The following ST6GALNAC3 variants were observed in gnomAD, a reference collection of about 807,000 sequenced individuals.
ST6GALNAC3 encodes the protein ST6 N-acetylgalactosaminide alpha-2,6-sialyltransferase 3.
ST6GALNAC3 carries 25 observed loss-of-function variants against 32.7 expected under a neutral mutation model. The observed-to-expected ratio is 0.76, with a 90% CI of 0.56 to 1.07. The LOEUF (loss-of-function observed/expected upper bound fraction) is 1.07, where lower values mean the gene tolerates loss of function less well. Among genes scored for constraint, ST6GALNAC3 ranks in the 50% least tolerant of loss-of-function variants. The pLI, the probability that ST6GALNAC3 is intolerant of heterozygous loss-of-function variation, is 0.00. For missense variants in ST6GALNAC3, 355 were observed against 382.4 expected, an observed-to-expected ratio of 0.93 and a Z score of 0.60; for synonymous variants, 129 against 133.1, an observed-to-expected ratio of 0.97 and a Z score of 0.21.
At position 76,305,734 on chromosome 1, in the gene ST6GALNAC3, G is replaced by A. The variant is rs533023737; in HGVS notation, c.19-8071G>A. On this transcript the variant is annotated intron_variant, in intron 1 of 4. Transcript: ENST00000328299. The stretch of plus-strand genomic sequence containing the variant: ...TAGTCCAGATAGAGTGTACGTGCAT[G>A]AATAATCATCATAGTCTTAACAGAG... 2.6e-5 allele frequency among the ~76,000 whole-genome samples: 4 copies of A among 152,042 alleles called. No homozygotes were observed. The South Asian group carries it at 8.3e-4, about 32-fold the overall frequency.
chr1:76,477,586 A>G (rs1293592078), intron 3 of ST6GALNAC3, among the ~76,000 whole-genome samples: 1 of 152,142 alleles, frequency 6.6e-6, no homozygotes, highest in Non-Finnish European at 1.5e-5. Context: ...GCACCTTGTC[A>G]AGGAAGAAGC....
intron 1 of ST6GALNAC3, among the ~76,000 whole-genome samples, chr1:76,205,281 G>T (rs989145559): frequency 2.0e-5 from 3 of 152,132 alleles, no homozygotes; most frequent in African/African-American, 7.2e-5. Context: ...TGTTAACAGT[G>T]CAGAGAATGG....
chr1:76,425,415 T>A (rs747277297), intron 3 of ST6GALNAC3, among the ~76,000 whole-genome samples: 2 of 152,058 alleles, frequency 1.3e-5, no homozygotes, highest in Non-Finnish European at 1.5e-5. Context: ...AAGCTCTTTT[T>A]TTAAGGCAGA....
chr1:76,156,533 A>G (rs1015415780), intron 1 of ST6GALNAC3, among the ~76,000 whole-genome samples: 3 of 149,822 alleles, frequency 2.0e-5, no homozygotes, highest in African/African-American at 7.3e-5. Context: ...GTATACTACT[A>G]GATTTTGTTT....
chr1:76,624,642 AT>A (rs968654225), intron 3 of ST6GALNAC3, among the ~76,000 whole-genome samples: 14 of 151,082 alleles, frequency 9.3e-5, no homozygotes, highest in East Asian at 3.9e-4. Flanking sequence ...CCTAATTATG[AT>A]TTTTTTTTCT....
intron 1 of ST6GALNAC3, among the ~76,000 whole-genome samples, chr1:76,075,980 CAAT>C (rs1415550241): frequency 1.3e-5 from 2 of 152,160 alleles, no homozygotes; most frequent in Non-Finnish European, 2.9e-5. Context: ...TGCCTGGTGT[CAAT>C]GATGAAAATA....
chr1:76,602,731 T>C (rs1436605959), intron 3 of ST6GALNAC3, among the ~76,000 whole-genome samples: 5 of 151,948 alleles, frequency 3.3e-5, no homozygotes, highest in African/African-American at 1.2e-4. Flanking sequence ...AATGTATTGG[T>C]TTTTTAATTT....
chr1:76,251,219 G>A lies in ST6GALNAC3; in HGVS notation c.19-62586G>A, dbSNP rs138143256. On this transcript the variant is annotated intron_variant, in intron 1 of 4. Transcript: ENST00000328299. ...ATGTCACTAGTTTTAGTCCATTTAC[G>A]TGACTTCCTTTCTATTCCCACTCCT... is the stretch of plus-strand genomic sequence containing the variant. 6.0e-3 allele frequency among the ~76,000 whole-genome samples: 910 copies of A among 151,916 alleles called. 4 individuals are homozygous for A. Among genetic ancestry groups the A allele is most frequent in the African/African-American group, 0.021 (883 of 41,460 alleles).
chr1:76,230,933 A>T (rs1281017428), intron 1 of ST6GALNAC3, among the ~76,000 whole-genome samples: 1 of 152,238 alleles, frequency 6.6e-6, no homozygotes, highest in African/African-American at 2.4e-5. Flanking sequence ...TTCATTGTTT[A>T]TGCACGCACA....
At chr1:76,274,867 G>C (rs1451817928) in intron 1 of ST6GALNAC3, among the ~76,000 whole-genome samples, 5 of 152,066 alleles carry the variant, frequency 3.3e-5, no homozygotes, top group Admixed American at 2.0e-4. Flanking sequence ...TCAAATTCAG[G>C]GAATGTCGAA....
chr1:76,614,825 T>C (rs1157411080), intron 3 of ST6GALNAC3, among the ~76,000 whole-genome samples: 1 of 145,550 alleles, frequency 6.9e-6, no homozygotes, highest in Non-Finnish European at 1.5e-5. Context: ...GTAGCAATGG[T>C]GGAAAATGGA....
At chr1:76,503,561 A>G (rs1176404740) in intron 3 of ST6GALNAC3, among the ~76,000 whole-genome samples, 2 of 152,250 alleles carry the variant, frequency 1.3e-5, no homozygotes, top group East Asian at 3.8e-4. Context: ...AATTCAAAGA[A>G]TTCTTAATAT....
At chr1:76,525,592 C>G (rs1662814558) in intron 3 of ST6GALNAC3, among the ~76,000 whole-genome samples, 1 of 151,496 alleles carries the variant, frequency 6.6e-6, no homozygotes, top group African/African-American at 2.4e-5. Context: ...AATCTAGTAT[C>G]TTTCTCACTA....
chr1:76,629,909 A>AT lies in ST6GALNAC3; in HGVS notation c.*1103_*1104insT. ...TGGAGAGGAAATGATTCCTTATATT[A>AT]AACCTGACCAGAGCTTTTTGCCTTC... On this transcript the variant is annotated 3_prime_UTR_variant, in exon 5 of 5. Coordinates refer to ENST00000328299, the MANE Select transcript of ST6GALNAC3 (RefSeq NM_152996.4). The AT allele has an allele frequency of 1.0e-6, 1 of 985,156 alleles. No homozygotes were observed. The highest frequency in any genetic ancestry group is 1.1e-4 in the East Asian group (1 of 8,800). 61.0% of individuals were successfully genotyped at this position (985,156 alleles called of 1,614,324 possible).
At position 76,591,893 on chromosome 1, in the gene ST6GALNAC3, C is replaced by A. The variant is rs1647053508; in HGVS notation, c.624-35559C>A. Among the ~76,000 whole-genome samples, 6 of 152,118 alleles carry A rather than the reference C, an allele frequency of 3.9e-5. No homozygotes were observed. The South Asian group carries it at 1.2e-3, about 32-fold the overall frequency. The stretch of plus-strand genomic sequence containing the variant: ...GAAGAAGAGTGCCTGGCATGTCATA[C>A]CTCAATAATAAATATCTATCTAATT... On this transcript the variant is annotated intron_variant, in intron 3 of 4. Transcript: ENST00000328299.
intron 3 of ST6GALNAC3, among the ~76,000 whole-genome samples, chr1:76,603,866 C>T (rs1647360927): frequency 6.6e-6 from 1 of 151,972 alleles, no homozygotes; most frequent in African/African-American, 2.4e-5. Context: ...ATTCTATGGG[C>T]CTATGAACAC....
intron 1 of ST6GALNAC3, among the ~76,000 whole-genome samples, chr1:76,096,943 G>C (rs1647143030): frequency 7.2e-6 from 1 of 138,988 alleles, no homozygotes; most frequent in South Asian, 2.3e-4. Flanking sequence ...TTTTGAGACA[G>C]AGTCTCGCTT....
intron 3 of ST6GALNAC3, among the ~76,000 whole-genome samples, chr1:76,612,878 C>T (rs1306894644): frequency 2.0e-5 from 3 of 152,318 alleles, no homozygotes; most frequent in East Asian, 1.9e-4. Context: ...TAAAACGACA[C>T]TTCTGAAGCT....
chr1:76,076,924 G>T (rs1433271308), intron 1 of ST6GALNAC3, among the ~76,000 whole-genome samples: 2 of 152,148 alleles, frequency 1.3e-5, no homozygotes, highest in Non-Finnish European at 2.9e-5. Context: ...ATACTTTACT[G>T]CTGTTCCAGT....
Sources: allele counts gnomAD v4.1 joint callset (sites outside exome capture counted in the v4.1 genomes callset), GRCh38; gene constraint gnomAD v4.1.1; transcripts MANE v1.5; gene names NCBI Gene and HGNC (gene_info 2026-07-23, HGNC 2026-07-21).